The following TNFAIP6 variants were observed in gnomAD, a reference collection of about 807,000 sequenced individuals.
TNFAIP6 encodes tumor necrosis factor-inducible gene 6 protein.
Under a neutral mutation model 33.7 loss-of-function variants are expected in TNFAIP6, and 36 were observed. The observed-to-expected ratio is 1.07, with a 90% CI of 0.82 to 1.41. The LOEUF is 1.41. Among genes scored for constraint, TNFAIP6 ranks in the 40% most tolerant of loss-of-function variants. The pLI is 0.00. For missense variants in TNFAIP6, 273 were observed against 331.9 expected, an observed-to-expected ratio of 0.82 and a Z score of 1.38; for synonymous variants, 113 against 112.8, an observed-to-expected ratio of 1.00 and a Z score of -0.01.
chr2:151,366,570 G>C (rs1466955587), intron 3 of TNFAIP6, among the ~76,000 whole-genome samples: 1 of 152,114 alleles, frequency 6.6e-6, no homozygotes, highest in East Asian at 1.9e-4. Flanking sequence ...GAACTTCCCA[G>C]CCATAAAGAA....
intron 2 of TNFAIP6, 123 bp from the exon 3 acceptor site, chr2:151,365,933 T>C (rs1378212352): frequency 7.0e-6 from 6 of 857,794 alleles, no homozygotes; most frequent in South Asian, 3.8e-5. Context: ...TTCTCCCTTT[T>C]ACATGAACTG....
chr2:151,374,924 G>A (rs1684876594), intron 5 of TNFAIP6, among the ~76,000 whole-genome samples: 1 of 151,922 alleles, frequency 6.6e-6, no homozygotes, highest in Non-Finnish European at 1.5e-5. Flanking sequence ...TCAGGAGTTC[G>A]AGACCAGCCT....
intron 2 of TNFAIP6, among the ~76,000 whole-genome samples, chr2:151,365,497 G>A (rs1684694609): frequency 6.6e-6 from 1 of 151,862 alleles, no homozygotes; most frequent in Non-Finnish European, 1.5e-5. Context: ...AAATTAGCTG[G>A]GCATGGTGGT....
At chr2:151,365,958 A>G in intron 2 of TNFAIP6, 98 bp from the exon 3 acceptor site, 1 of 1,205,164 alleles carries the variant, frequency 8.3e-7, no homozygotes, top group South Asian at 1.4e-5. Context: ...TGACCAGTTA[A>G]GAAACTTACT....
chr2:151,381,221 C>A (rs963230466), downstream of TNFAIP6, among the ~76,000 whole-genome samples: 3 of 152,114 alleles, frequency 2.0e-5, no homozygotes, highest in African/African-American at 7.2e-5. Flanking sequence ...CCTGTAATCC[C>A]ATCACTTTGG....
downstream of TNFAIP6, among the ~76,000 whole-genome samples, chr2:151,380,364 TCTTTTA>T (rs1039667446): frequency 2.0e-5 from 3 of 152,214 alleles, no homozygotes; most frequent in Non-Finnish European, 2.9e-5. Flanking sequence ...TTATATTTTG[TCTTTTA>T]CTTTAATGGT....
At chr2:151,364,830 A>G (rs1684684341) in intron 2 of TNFAIP6, among the ~76,000 whole-genome samples, 1 of 152,144 alleles carries the variant, frequency 6.6e-6, no homozygotes, top group Non-Finnish European at 1.5e-5. Flanking sequence ...AATGCCCCAA[A>G]GCCTCCCCAG....
chr2:151,366,425 ATTC>A (rs984493384), intron 3 of TNFAIP6, among the ~76,000 whole-genome samples: 1 of 152,206 alleles, frequency 6.6e-6, no homozygotes, highest in Non-Finnish European at 1.5e-5. Flanking sequence ...ATTCACAATA[ATTC>A]TTCAAGGAGC....
In TNFAIP6 at chr2:151,373,552, C is replaced by T. The variant is rs1435773853; in HGVS notation, c.627C>T (p.Tyr209=). The T allele has an allele frequency of 3.2e-6, 5 of 1,544,356 alleles. No homozygotes were observed. ...TTTTCTAAAAATTCCTTTTCAGATACTGTGGAGATGAGCTTCCAGATGACA... is the reference window on the plus strand; with the variant it reads ...TTTTCTAAAAATTCCTTTTCAGATATTGTGGAGATGAGCTTCCAGATGACA... The part of the protein sequence containing the change: ...YDDVHGFVGR[Y]CGDELPDDII... Residue 209 remains tyrosine, a synonymous_variant, in exon 5 of 6, where the codon TAC becomes TAT. Coordinates refer to ENST00000243347, the MANE Select transcript of TNFAIP6 (RefSeq NM_007115.4).
rs35150597 is a variant in TNFAIP6, at chr2:151,359,386, A to ATTTTT, written c.94+1642_94+1646dup. ...GAAGAATTGTCTTGGGCAACTCATA[A>ATTTTT]TTTTTTTTTTTTTTTTTTTTGAGGC... On this transcript the variant is annotated intron_variant, in intron 1 of 5. Coordinates refer to ENST00000243347, the MANE Select transcript of TNFAIP6 (RefSeq NM_007115.4). Among the ~76,000 whole-genome samples the ATTTTT allele has an allele frequency of 2.3e-3, 295 of 130,136 alleles. 3 individuals carry two copies. Among genetic ancestry groups the ATTTTT allele is most frequent in the Non-Finnish European group, 3.8e-3 (239 of 62,322 alleles). 85.4% of individuals were successfully genotyped at this position (130,136 alleles called of 152,430 possible).
chr2:151,376,472 A>C (rs1184870461), intron 5 of TNFAIP6, among the ~76,000 whole-genome samples: 4 of 151,642 alleles, frequency 2.6e-5, no homozygotes, highest in African/African-American at 9.7e-5. Flanking sequence ...TAATCCTACC[A>C]CATTAATAAG....
chr2:151,363,431 G>A (rs1167651524), intron 1 of TNFAIP6, among the ~76,000 whole-genome samples: 1 of 152,124 alleles, frequency 6.6e-6, no homozygotes, highest in Non-Finnish European at 1.5e-5. Flanking sequence ...GCCGAGGCGG[G>A]TGGATCACGA....
intron 3 of TNFAIP6, among the ~76,000 whole-genome samples, chr2:151,368,629 A>T (rs1039110830): frequency 6.6e-6 from 1 of 151,990 alleles, no homozygotes; most frequent in Non-Finnish European, 1.5e-5. Flanking sequence ...TATCTCCATC[A>T]AATCTTAAAA....
downstream of TNFAIP6, among the ~76,000 whole-genome samples, chr2:151,380,996 CA>C (rs1352007162): frequency 3.9e-5 from 6 of 152,046 alleles, no homozygotes; most frequent in Non-Finnish European, 1.5e-5. Flanking sequence ...GAGAAAAAAA[CA>C]CAGTTGTTAC....
chr2:151,379,750 C>A lies in TNFAIP6; in HGVS notation c.*217C>A. The A allele has an allele frequency of 3.1e-6, 1 of 323,118 alleles. No homozygotes were observed. The highest frequency in any genetic ancestry group is 5.6e-5 in the East Asian group (1 of 17,792). The allele number at this position is 323,118 out of a possible 1,614,324, so 20.0% of individuals were successfully genotyped here. A position where few individuals can be genotyped will look rare whatever the true frequency, so the allele number is the denominator to read the frequency against. The stretch of plus-strand genomic sequence containing the variant: ...TAGAAATAACAAGCGTTAACATTTT[C>A]ATATTTTTTTCTTTCAGTCATTTTT... On this transcript the variant is annotated 3_prime_UTR_variant, in exon 6 of 6. Transcript: ENST00000243347.
intron 2 of TNFAIP6, among the ~76,000 whole-genome samples, chr2:151,365,762 G>A (rs944013416): frequency 2.0e-5 from 3 of 151,950 alleles, no homozygotes; most frequent in South Asian, 2.1e-4. Context: ...CATTCCATAC[G>A]TCATTTGTGA....
intron 1 of TNFAIP6, among the ~76,000 whole-genome samples, chr2:151,360,227 G>A (rs1301560764): frequency 6.6e-6 from 1 of 152,158 alleles, no homozygotes; most frequent in Non-Finnish European, 1.5e-5. Flanking sequence ...GAGCCCAAGA[G>A]GCAGACGTTG....
At chr2:151,371,070 CAA>C (rs113294897) in intron 4 of TNFAIP6, among the ~76,000 whole-genome samples, 5 of 128,500 alleles carry the variant, frequency 3.9e-5, no homozygotes, top group Admixed American at 1.6e-4. Flanking sequence ...GACTCTGTCT[CAA>C]AAAAAAAAAA....
chr2:151,360,329 C>T (rs1156817029), intron 1 of TNFAIP6, among the ~76,000 whole-genome samples: 4 of 151,966 alleles, frequency 2.6e-5, no homozygotes, highest in South Asian at 2.1e-4. Context: ...GGAAAAGTGA[C>T]GTATCTTGAG....
Sources: allele counts gnomAD v4.1 joint callset (sites outside exome capture counted in the v4.1 genomes callset), GRCh38; gene constraint gnomAD v4.1.1; transcripts MANE v1.5; gene names NCBI Gene and HGNC (gene_info 2026-07-23, HGNC 2026-07-21).